CORIN: variants seen among roughly 807,000 people sequenced by gnomAD.
The protein encoded by CORIN is atrial natriuretic peptide-converting enzyme.
Under a neutral mutation model 125.3 loss-of-function variants are expected in CORIN, and 117 were observed. That is an observed-to-expected ratio of 0.93 (90% CI 0.80 to 1.09). The LOEUF (loss-of-function observed/expected upper bound fraction) is 1.09. Ranked by LOEUF, CORIN falls within the 50% of genes least tolerant of loss-of-function variation. The probability of loss-of-function intolerance (pLI) is 0.00; values close to 1 mark genes in which losing one functional copy is unlikely to be tolerated. For synonymous variants in CORIN, 450 were observed against 466.4 expected (o/e 0.96, Z 0.45); for missense variants, 1,253 against 1,306.7 (o/e 0.96, Z 0.63).
rs920598832 is a variant in CORIN at position 47,627,936 on chromosome 4, A to T, written c.2199-1415T>A. On this transcript the variant is annotated intron_variant, in intron 16 of 21. Transcript: ENST00000273857. ...GGATAGGAAAATCATTGCAAGGAAC[A>T]CCAGCCTTTCAACTCAAAAGGCCCC... Among the ~76,000 whole-genome samples, 5 of 152,152 alleles carry T rather than the reference A, an allele frequency of 3.3e-5. No homozygotes were observed. The East Asian group carries it at 9.6e-4, about 29-fold the overall frequency.
At chr4:47,603,814 A>G (rs1195505949) in intron 19 of CORIN, 146 bp from the exon 20 acceptor site, 8 of 871,166 alleles carry the variant, frequency 9.2e-6, no homozygotes, top group Non-Finnish European at 1.4e-5. Context: ...TGGCATTTAT[A>G]TAATAGCCTG....
intron 5 of CORIN, among the ~76,000 whole-genome samples, chr4:47,722,534 T>C (rs890340681): frequency 3.3e-5 from 5 of 152,194 alleles, no homozygotes; most frequent in African/African-American, 1.2e-4. Flanking sequence ...CATCTTGCTA[T>C]CCTGCCTCCT....
At chr4:47,780,832 GT>G in intron 3 of CORIN, among the ~76,000 whole-genome samples, 1 of 151,894 alleles carries the variant, frequency 6.6e-6, no homozygotes, top group Non-Finnish European at 1.5e-5. Context: ...TTAGAGTGCT[GT>G]AACTTTAAGA....
intron 8 of CORIN, chr4:47,679,895 C>A: frequency 2.7e-6 from 1 of 366,990 alleles, no homozygotes; most frequent in Admixed American, 4.5e-5. Context: ...AACAGACACC[C>A]ACTTGGCTAG....
At chr4:47,806,831 T>C (rs1244925477) in intron 2 of CORIN, 72 bp downstream of exon 2, 133 of 1,467,862 alleles carry the variant, frequency 9.1e-5, no homozygotes, top group Non-Finnish European at 1.1e-4. Context: ...AAGTACTAAG[T>C]AGAAATCACT....
intron 12 of CORIN, among the ~76,000 whole-genome samples, chr4:47,655,348 G>C (rs566733675): frequency 6.6e-6 from 1 of 152,148 alleles, no homozygotes; most frequent in Admixed American, 6.5e-5. Flanking sequence ...TGGCCACAGC[G>C]GGGTAGAACA....
At chr4:47,819,064 A>G (rs1264955532) in intron 1 of CORIN, among the ~76,000 whole-genome samples, 2 of 152,114 alleles carry the variant, frequency 1.3e-5, no homozygotes, top group Admixed American at 1.3e-4. Context: ...ATAATAGAAA[A>G]TTTATGGAAT....
At chr4:47,707,517 A>T (rs1056637094) in intron 5 of CORIN, among the ~76,000 whole-genome samples, 4 of 151,986 alleles carry the variant, frequency 2.6e-5, no homozygotes, top group African/African-American at 7.3e-5. Flanking sequence ...ATTCCTAAGG[A>T]CTCCTCTATC....
At chr4:47,686,486 CA>C (rs2109728661) in intron 6 of CORIN, among the ~76,000 whole-genome samples, 1 of 152,264 alleles carries the variant, frequency 6.6e-6, no homozygotes, top group Admixed American at 6.5e-5. Context: ...GCTATTTCCC[CA>C]CCCTGCACCC....
At chr4:47,685,520 C>G (rs561093472) in intron 6 of CORIN, among the ~76,000 whole-genome samples, 2 of 152,202 alleles carry the variant, frequency 1.3e-5, no homozygotes, top group East Asian at 3.9e-4. Flanking sequence ...GAATTGGTGA[C>G]TGACTACAAA....
At chr4:47,646,884 G>T (rs1222513708) in intron 13 of CORIN, among the ~76,000 whole-genome samples, 9 of 151,980 alleles carry the variant, frequency 5.9e-5, no homozygotes, top group Non-Finnish European at 1.5e-5. Flanking sequence ...ATTGACTCAG[G>T]TTTCTTGGAA....
rs1728577514 is a variant in CORIN, at chr4:47,744,593, A to G, written c.618-10T>C. ...GGGCAGGAGTCCATGACTAAAAAAA[A>G]AAAAAGAGAAAGGTGAAAATTAGTG... On this transcript the variant is annotated splice_polypyrimidine_tract_variant and intron_variant, in intron 4 of 21. Transcript: ENST00000273857. 1 of 1,562,468 alleles carries G rather than the reference A, an allele frequency of 6.4e-7. No individual in the cohort carries two copies. Among genetic ancestry groups the G allele is most frequent in the Non-Finnish European group, 8.6e-7 (1 of 1,160,168 alleles).
At chr4:47,618,903 A>G (rs763006084) in intron 19 of CORIN, among the ~76,000 whole-genome samples, 16 of 152,170 alleles carry the variant, frequency 1.1e-4, no homozygotes, top group Non-Finnish European at 1.9e-4. Context: ...GCAGCCACCA[A>G]CCAAAAATCT....
intron 1 of CORIN, among the ~76,000 whole-genome samples, chr4:47,831,757 A>G (rs1238875739): frequency 6.6e-6 from 1 of 152,118 alleles, no homozygotes; most frequent in East Asian, 1.9e-4. Context: ...ATATATGTTC[A>G]CCGAGAACCT....
intron 3 of CORIN, among the ~76,000 whole-genome samples, chr4:47,785,513 T>A (rs1030943650): frequency 5.4e-5 from 8 of 146,972 alleles, no homozygotes; most frequent in Admixed American, 5.4e-4. Flanking sequence ...TTTCTCAAGG[T>A]GTGATTTTTT....
At chr4:47,721,451 A>T (rs1206191322) in intron 5 of CORIN, among the ~76,000 whole-genome samples, 1 of 151,926 alleles carries the variant, frequency 6.6e-6, no homozygotes, top group Non-Finnish European at 1.5e-5. Flanking sequence ...GTATTTTTAG[A>T]AGAGATGGGG....
chr4:47,686,976 T>G (rs1725548656), intron 6 of CORIN, among the ~76,000 whole-genome samples: 1 of 152,220 alleles, frequency 6.6e-6, no homozygotes, highest in African/African-American at 2.4e-5. Context: ...TAATTCATAC[T>G]AAAACACTGC....
intron 5 of CORIN, among the ~76,000 whole-genome samples, chr4:47,703,737 G>C (rs7681832): frequency 0.89 from 135,644 of 152,230 alleles, 60,575 homozygotes; most frequent in East Asian, 1. Context: ...TCTGAAAGAT[G>C]GCCATCTCAA....
intron 3 of CORIN, among the ~76,000 whole-genome samples, chr4:47,769,925 G>T (rs1329289114): frequency 6.6e-6 from 1 of 151,992 alleles, no homozygotes; most frequent in African/African-American, 2.4e-5. Context: ...AGAATACATA[G>T]GGGGAAAGCT....
Sources: gnomAD v4.1 joint callset for allele counts (sites outside exome capture counted in the v4.1 genomes callset) on GRCh38, gnomAD v4.1.1 for gene constraint, MANE v1.5 for transcripts, NCBI Gene and HGNC (gene_info 2026-07-23, HGNC 2026-07-21) for gene names.